The following SAMMSON variants were observed in gnomAD, a reference collection of about 807,000 sequenced individuals.
SAMMSON encodes long intergenic non-protein coding RNA 1212.
At chr3:70,223,576 T>C (rs7427245) in intron 4 of SAMMSON, among the ~76,000 whole-genome samples, 151,722 of 152,294 alleles carry the variant, frequency 1, 75,579 homozygotes, top group East Asian at 1. Flanking sequence ...AATGAGAACT[T>C]GATTGAAAAA....
intron 4 of SAMMSON, among the ~76,000 whole-genome samples, chr3:70,118,040 C>T (rs1380010710): frequency 1.3e-5 from 2 of 152,128 alleles, no homozygotes; most frequent in Non-Finnish European, 2.9e-5. Flanking sequence ...GCCTCAGCCT[C>T]GCAAGTAGCT....
intron 7 of SAMMSON, among the ~76,000 whole-genome samples, chr3:70,348,314 C>T (rs565743754): frequency 2.0e-5 from 3 of 152,220 alleles, no homozygotes; most frequent in Middle Eastern, 6.8e-3. Context: ...TCTGTATTAG[C>T]CCATTCAGGC....
intron 2 of SAMMSON, among the ~76,000 whole-genome samples, chr3:70,400,085 A>G (rs961005447): frequency 3.9e-5 from 6 of 152,104 alleles, no homozygotes; most frequent in Non-Finnish European, 8.8e-5. Flanking sequence ...TATATTCAAC[A>G]TATAATTGGA....
At chr3:70,228,535 T>C (rs928462722) in intron 4 of SAMMSON, among the ~76,000 whole-genome samples, 3 of 152,122 alleles carry the variant, frequency 2.0e-5, no homozygotes, top group African/African-American at 7.2e-5. Flanking sequence ...GTTCTTTGTT[T>C]GTTTGTTTGT....
intron 4 of SAMMSON, among the ~76,000 whole-genome samples, chr3:70,193,886 T>C (rs1576149911): frequency 6.6e-6 from 1 of 152,160 alleles, no homozygotes; most frequent in African/African-American, 2.4e-5. Context: ...TAATATGACC[T>C]CCCATGATGT....
intron 4 of SAMMSON, among the ~76,000 whole-genome samples, chr3:70,147,303 G>T (rs1157659170): frequency 1.3e-5 from 2 of 151,914 alleles, no homozygotes; most frequent in African/African-American, 4.8e-5. Context: ...TTTTTTGTAA[G>T]AATAGAATGT....
chr3:70,415,358 TA>T (rs995832511), intron 2 of SAMMSON, among the ~76,000 whole-genome samples: 14 of 150,570 alleles, frequency 9.3e-5, no homozygotes, highest in East Asian at 5.8e-4. Flanking sequence ...TTGCTGTGAA[TA>T]AAAAAAAAAT....
At chr3:70,024,385 A>T (rs1323732517) in intron 3 of SAMMSON, among the ~76,000 whole-genome samples, 1 of 152,218 alleles carries the variant, frequency 6.6e-6, no homozygotes, top group Non-Finnish European at 1.5e-5. Context: ...TTGGAATAGA[A>T]ACTAGTAGAT....
At chr3:70,072,646 G>GAAAAAAAAAAAAAAAAAAAAAAAA (rs35807309) in intron 4 of SAMMSON, 1 of 87,688 alleles carries the variant, frequency 1.1e-5, no homozygotes, top group South Asian at 4.2e-4. Context: ...AACAGCAAAG[G>GAAAAAAAAAAAAAAAAAAAAAAAA]AAAAAAAAAA....
At chr3:70,284,393 A>G (rs1295249448) in intron 6 of SAMMSON, among the ~76,000 whole-genome samples, 4 of 152,172 alleles carry the variant, frequency 2.6e-5, no homozygotes, top group Non-Finnish European at 5.9e-5. Flanking sequence ...ACTCTATTAA[A>G]CTTTCTAAAA....
intron 7 of SAMMSON, among the ~76,000 whole-genome samples, chr3:70,326,566 A>C (rs1270124484): frequency 6.6e-6 from 1 of 152,094 alleles, no homozygotes; most frequent in Non-Finnish European, 1.5e-5. Context: ...CTCGGCATGA[A>C]TTTCAGTCCA....
intron 3 of SAMMSON, among the ~76,000 whole-genome samples, chr3:70,056,567 C>T (rs2067168890): frequency 6.6e-6 from 1 of 151,924 alleles, no homozygotes; most frequent in South Asian, 2.1e-4. Context: ...CTCTCTCTCT[C>T]TCCCCCTCTC....
At chr3:70,193,382 C>T (rs558118888) in intron 4 of SAMMSON, among the ~76,000 whole-genome samples, 1 of 152,326 alleles carries the variant, frequency 6.6e-6, no homozygotes, top group African/African-American at 2.4e-5. Flanking sequence ...TATCCTCGAA[C>T]TCCTGGGCTC....
intron 3 of SAMMSON, among the ~76,000 whole-genome samples, chr3:70,032,429 A>C (rs993842421): frequency 1.3e-5 from 2 of 152,210 alleles, no homozygotes; most frequent in Non-Finnish European, 2.9e-5. Context: ...CGTGAATTTT[A>C]AACTCCTTCA....
intron 4 of SAMMSON, among the ~76,000 whole-genome samples, chr3:70,164,259 T>C (rs1025129013): frequency 1.3e-5 from 2 of 152,016 alleles, no homozygotes; most frequent in African/African-American, 2.4e-5. Flanking sequence ...TGCCTAATTT[T>C]TCTGAACCAC....
chr3:70,269,192 C>G (rs1387175207), intron 6 of SAMMSON, among the ~76,000 whole-genome samples: 1 of 151,972 alleles, frequency 6.6e-6, no homozygotes, highest in Non-Finnish European at 1.5e-5. Flanking sequence ...TTGGAATATT[C>G]ACATACAATA....
chr3:70,284,216 A>C (rs1036559919), intron 6 of SAMMSON, among the ~76,000 whole-genome samples: 3 of 152,190 alleles, frequency 2.0e-5, no homozygotes, highest in African/African-American at 7.2e-5. Flanking sequence ...ATTAACTACC[A>C]AGAAATGTGT....
chr3:70,079,317 C>A (rs1442690400), intron 4 of SAMMSON, among the ~76,000 whole-genome samples: 1 of 152,116 alleles, frequency 6.6e-6, no homozygotes, highest in Admixed American at 6.5e-5. Flanking sequence ...TGAAATCAGC[C>A]ATGGTGGGAG....
At chr3:70,206,208 C>G (rs141168920) in intron 4 of SAMMSON, among the ~76,000 whole-genome samples, 3 of 151,944 alleles carry the variant, frequency 2.0e-5, no homozygotes, top group African/African-American at 7.2e-5. Flanking sequence ...TACTATTTCT[C>G]TCTGCCTTCT....
Sources: gnomAD v4.1 joint callset for allele counts (sites outside exome capture counted in the v4.1 genomes callset) on GRCh38, gnomAD v4.1.1 for gene constraint, MANE v1.5 for transcripts, NCBI Gene and HGNC (gene_info 2026-07-23, HGNC 2026-07-21) for gene names.